Variants in CDH18 observed in about 807,000 individuals in gnomAD.
The protein encoded by CDH18 is cadherin-18.
A neutral mutation model predicts 67.9 loss-of-function variants in CDH18; 31 were observed. That is an observed-to-expected ratio of 0.46 (90% CI 0.34 to 0.62). CDH18 has a LOEUF of 0.62. Among genes scored for constraint, CDH18 ranks in the 20% least tolerant of loss-of-function variants. The pLI is 0.01. For synonymous variants in CDH18, 362 were observed against 347.2 expected, an observed-to-expected ratio of 1.04 and a Z score of -0.48; for missense variants, 890 against 975.5, an observed-to-expected ratio of 0.91 and a Z score of 1.17.
At chr5:19,477,950 T>A (rs1180211281) in intron 12 of CDH18, among the ~76,000 whole-genome samples, 1 of 152,148 alleles carries the variant, frequency 6.6e-6, no homozygotes, top group Non-Finnish European at 1.5e-5. Context: ...AAATATTTTA[T>A]CCTTGGTTAG....
intron 2 of CDH18, among the ~76,000 whole-genome samples, chr5:19,937,629 A>G (rs1285704963): frequency 6.6e-6 from 1 of 151,338 alleles, no homozygotes; most frequent in African/African-American, 2.4e-5. Flanking sequence ...AATTTCAAAG[A>G]AAGTATAACC....
chr5:20,095,643 A>G (rs918717247), intron 2 of CDH18, among the ~76,000 whole-genome samples: 1 of 151,812 alleles, frequency 6.6e-6, no homozygotes, highest in African/African-American at 2.4e-5. Context: ...AGTAACATTC[A>G]TGGCCTGTAA....
chr5:19,769,223 T>C (rs557681604), intron 3 of CDH18, among the ~76,000 whole-genome samples: 3 of 152,174 alleles, frequency 2.0e-5, no homozygotes, highest in South Asian at 4.1e-4. Flanking sequence ...GAACCTCAAG[T>C]AGCATAAACT....
intron 1 of CDH18, among the ~76,000 whole-genome samples, chr5:20,531,847 A>G (rs1756420638): frequency 6.6e-6 from 1 of 152,128 alleles, no homozygotes; most frequent in South Asian, 2.1e-4. Flanking sequence ...TTACCTATGT[A>G]GCAAACCTAC....
intron 7 of CDH18, among the ~76,000 whole-genome samples, chr5:19,575,304 C>G (rs989491787): frequency 1.3e-5 from 2 of 152,144 alleles, no homozygotes; most frequent in Non-Finnish European, 1.5e-5. Flanking sequence ...CATTCATATT[C>G]CAACATTCAC....
chr5:20,314,634 T>A (rs938939127), intron 1 of CDH18, among the ~76,000 whole-genome samples: 3 of 152,096 alleles, frequency 2.0e-5, no homozygotes, highest in Non-Finnish European at 2.9e-5. Flanking sequence ...AGCACAGCGC[T>A]CATTTGCTCA....
At chr5:20,162,396 TTAAG>T (rs1735960422) in intron 2 of CDH18, among the ~76,000 whole-genome samples, 1 of 148,058 alleles carries the variant, frequency 6.8e-6, no homozygotes, top group Non-Finnish European at 1.5e-5. Flanking sequence ...TAGAAAAAAA[TTAAG>T]TATATGTCTA....
chr5:20,024,973 T>C (rs1416800053), intron 2 of CDH18, among the ~76,000 whole-genome samples: 2 of 152,138 alleles, frequency 1.3e-5, no homozygotes, highest in African/African-American at 4.8e-5. Flanking sequence ...GTGGCTTATC[T>C]ACCAATAATT....
chr5:19,588,362 A>G (rs12152851), intron 7 of CDH18, among the ~76,000 whole-genome samples: 86,744 of 151,778 alleles, frequency 0.57, 27,344 homozygotes, highest in South Asian at 0.75. Context: ...TGCTGAGGGA[A>G]TTCATTACCA....
intron 4 of CDH18, among the ~76,000 whole-genome samples, chr5:19,735,644 C>T (rs1005902898): frequency 1.3e-5 from 2 of 151,538 alleles, no homozygotes; most frequent in Non-Finnish European, 2.9e-5. Context: ...ATCCTCCCGC[C>T]TCGGCCTCCC....
intron 1 of CDH18, among the ~76,000 whole-genome samples, chr5:20,537,807 A>G (rs773780778): frequency 2.0e-5 from 3 of 152,206 alleles, no homozygotes; most frequent in East Asian, 1.9e-4. Context: ...TAAAATTTCT[A>G]TCTTTGGGAA....
At chr5:19,887,611 C>T (rs1345799005) in intron 2 of CDH18, among the ~76,000 whole-genome samples, 1 of 151,806 alleles carries the variant, frequency 6.6e-6, no homozygotes, top group Non-Finnish European at 1.5e-5. Context: ...ACTCTGTCTT[C>T]AGTGTGGAGT....
chr5:20,035,865 T>C lies in CDH18; in HGVS notation c.-517-43851A>G, dbSNP rs6868346. Among the ~76,000 whole-genome samples, 940 of 152,116 alleles carry C rather than the reference T, an allele frequency of 6.2e-3. 12 individuals carry two copies. The highest frequency in any genetic ancestry group is 0.022 in the African/African-American group (910 of 41,534). On this transcript the variant is annotated intron_variant, in intron 2 of 14. Transcript: ENST00000507958. ...CTTTCTAATTTCTGCTAATAACTAT[T>C]ATTTGTTGTTTTTGTTCTTGTTTCT...
intron 2 of CDH18, among the ~76,000 whole-genome samples, chr5:20,062,447 C>A (rs1742583773): frequency 6.6e-6 from 1 of 152,072 alleles, no homozygotes; most frequent in Non-Finnish European, 1.5e-5. Flanking sequence ...TCTTTAATTG[C>A]TACCCAAAAC....
At chr5:19,767,962 G>C (rs985575842) in intron 3 of CDH18, among the ~76,000 whole-genome samples, 13 of 152,140 alleles carry the variant, frequency 8.5e-5, no homozygotes, top group African/African-American at 3.1e-4. Context: ...TGAGCTTTGA[G>C]TTATGTTAAT....
chr5:19,933,048 A>G (rs1318149994), intron 2 of CDH18, among the ~76,000 whole-genome samples: 1 of 151,536 alleles, frequency 6.6e-6, no homozygotes, highest in Non-Finnish European at 1.5e-5. Flanking sequence ...CCTAATCATA[A>G]CTGTAATGCA....
At chr5:19,551,392 T>C (rs1737423754) in intron 8 of CDH18, among the ~76,000 whole-genome samples, 1 of 152,166 alleles carries the variant, frequency 6.6e-6, no homozygotes, top group Non-Finnish European at 1.5e-5. Flanking sequence ...GAATATTATA[T>C]CAAGCCATAG....
chr5:20,453,358 C>T (rs187083604), intron 1 of CDH18, among the ~76,000 whole-genome samples: 3 of 152,174 alleles, frequency 2.0e-5, no homozygotes, highest in Admixed American at 2.0e-4. Context: ...TGTTTCTGTT[C>T]TGTGACATTT....
chr5:19,483,682 G>A (rs1739882424), intron 11 of CDH18, 130 bp from the exon 12 acceptor site: 3 of 902,972 alleles, frequency 3.3e-6, no homozygotes, highest in East Asian at 2.7e-5. Context: ...AAGGGAACAC[G>A]AAGGGGCAAT....
Sources: allele counts gnomAD v4.1 joint callset (sites outside exome capture counted in the v4.1 genomes callset), GRCh38; gene constraint gnomAD v4.1.1; transcripts MANE v1.5; gene names NCBI Gene and HGNC (gene_info 2026-07-23, HGNC 2026-07-21).